The following CEP85L variants were observed in gnomAD, a reference collection of about 807,000 sequenced individuals.
CEP85L encodes centrosomal protein 85L, also known as centrosomal protein of 85 kDa-like.
A neutral mutation model predicts 100.3 loss-of-function variants in CEP85L; 60 were observed. The observed-to-expected ratio is 0.60, with a 90% CI of 0.49 to 0.74. The LOEUF (loss-of-function observed/expected upper bound fraction) is 0.74. Ranked by LOEUF, CEP85L falls within the 30% of genes least tolerant of loss-of-function variation. CEP85L has a pLI of 0.00. For missense variants in CEP85L, 973 were observed against 936.2 expected (o/e 1.04, Z -0.51); for synonymous variants, 319 against 322.7 (o/e 0.99, Z 0.12).
At chr6:118,648,826 A>G (rs1483345882) in intron 1 of CEP85L, among the ~76,000 whole-genome samples, 9 of 152,160 alleles carry the variant, frequency 5.9e-5, no homozygotes. Flanking sequence ...AAACAAATAA[A>G]CCAGTTTCAG....
intron 2 of CEP85L, among the ~76,000 whole-genome samples, chr6:118,607,566 A>G (rs1311214226): frequency 6.6e-6 from 1 of 152,180 alleles, no homozygotes; most frequent in Non-Finnish European, 1.5e-5. Flanking sequence ...GTTAACATCC[A>G]ATAGTGACGA....
At chr6:118,638,446 C>T (rs1299386359) in intron 1 of CEP85L, among the ~76,000 whole-genome samples, 1 of 151,646 alleles carries the variant, frequency 6.6e-6, no homozygotes, top group African/African-American at 2.4e-5. Flanking sequence ...CAAGTCAATC[C>T]AGAAGCACAA....
chr6:118,643,650 C>T (rs1212637908), intron 1 of CEP85L, among the ~76,000 whole-genome samples: 2 of 152,034 alleles, frequency 1.3e-5, no homozygotes, highest in East Asian at 1.9e-4. Context: ...TTTAGCACTA[C>T]CTAATGAAGT....
chr6:118,705,531 G>A (rs1777567315), intron 1 of CEP85L, among the ~76,000 whole-genome samples: 1 of 152,216 alleles, frequency 6.6e-6, no homozygotes, highest in Non-Finnish European at 1.5e-5. Flanking sequence ...TAGGGATCAA[G>A]TTAGCTAGCA....
chr6:118,502,305 A>G (rs904601040), intron 5 of CEP85L: 1 of 523,912 alleles, frequency 1.9e-6, no homozygotes, highest in African/African-American at 1.9e-5. Flanking sequence ...ATGGGGGAAG[A>G]CTGATCTTCC....
intron 1 of CEP85L, among the ~76,000 whole-genome samples, chr6:118,688,743 C>T (rs942661561): frequency 6.6e-6 from 1 of 152,136 alleles, no homozygotes. Context: ...TTCTTTGGCC[C>T]ACTCCTATTT....
chr6:118,646,323 G>T (rs945872085), intron 1 of CEP85L, among the ~76,000 whole-genome samples: 5 of 78,464 alleles, frequency 6.4e-5, no homozygotes, highest in African/African-American at 1.9e-4. Flanking sequence ...TACTTTGCCA[G>T]TGTAAAATAT....
intron 3 of CEP85L, among the ~76,000 whole-genome samples, chr6:118,539,792 G>A (rs1463795129): frequency 5.9e-5 from 9 of 152,136 alleles, no homozygotes; most frequent in Non-Finnish European, 1.0e-4. Context: ...ATCTTGAGGG[G>A]AGAGGGAGCA....
Position 118,481,907 on chromosome 6 carries a change from CTTAT to C in CEP85L, c.1613_1616del (p.Asn538ArgfsTer7). ...TATCTATCAAAGCCTCTTGTAAATT[CTTAT>C]TTTTTTCTTCCAGAATCTGCAGCTA... On this transcript the variant is annotated frameshift_variant, in exon 8 of 13. Transcript: ENST00000368491. LOFTEE classifies it high-confidence loss of function. 6.4e-7 allele frequency: 1 copy of C among 1,562,570 alleles called. No homozygotes were observed. Among genetic ancestry groups the C allele is most frequent in the Non-Finnish European group, 8.7e-7 (1 of 1,155,400 alleles).
At chr6:118,699,628 T>C (rs1199917355) in intron 1 of CEP85L, among the ~76,000 whole-genome samples, 2 of 152,140 alleles carry the variant, frequency 1.3e-5, no homozygotes, top group African/African-American at 2.4e-5. Flanking sequence ...CTGGAGATGT[T>C]TGAAGGATGT....
At chr6:118,630,126 A>G (rs894618375) in intron 2 of CEP85L, among the ~76,000 whole-genome samples, 1 of 152,218 alleles carries the variant, frequency 6.6e-6, no homozygotes, top group Non-Finnish European at 1.5e-5. Context: ...TTTAAATATT[A>G]AATCTCCACC....
At chr6:118,572,730 T>C (rs929868789) in intron 2 of CEP85L, among the ~76,000 whole-genome samples, 1 of 152,130 alleles carries the variant, frequency 6.6e-6, no homozygotes, top group African/African-American at 2.4e-5. Context: ...CAAGGCATTA[T>C]GCTAGGTAGA....
intron 3 of CEP85L, among the ~76,000 whole-genome samples, chr6:118,534,227 A>G (rs2114842061): frequency 6.6e-6 from 1 of 152,344 alleles, no homozygotes; most frequent in South Asian, 2.1e-4. Flanking sequence ...AAAACCAATT[A>G]TATTTCTATA....
chr6:118,483,303 T>A (rs58130244), intron 7 of CEP85L, among the ~76,000 whole-genome samples: 2,912 of 151,352 alleles, frequency 0.019, 93 homozygotes, highest in African/African-American at 0.066. Flanking sequence ...ATAAGAAAAA[T>A]ATATATATAT....
chr6:118,551,167 T>C (rs1046295541), intron 3 of CEP85L, among the ~76,000 whole-genome samples: 1 of 151,900 alleles, frequency 6.6e-6, no homozygotes, highest in Non-Finnish European at 1.5e-5. Context: ...GTAGTCTCTT[T>C]GTACAATTTC....
chr6:118,600,345 G>A lies in CEP85L; in HGVS notation c.232+32108C>T, dbSNP rs1009595044. Reference sequence around the variant, plus strand: ...TGTGTGTGTGTGTGTGTGTGTGTGTGTGTGTGTGTGTGTGTGTGTGTGTGT... The same window carrying A: ...TGTGTGTGTGTGTGTGTGTGTGTGTATGTGTGTGTGTGTGTGTGTGTGTGT... On this transcript the variant is annotated intron_variant, in intron 2 of 12. Transcript: ENST00000368491. Among the ~76,000 whole-genome samples, 10 of 136,310 alleles carry A rather than the reference G, an allele frequency of 7.3e-5. 2 individuals are homozygous for A. Among genetic ancestry groups the A allele is most frequent in the Non-Finnish European group, 1.6e-4 (10 of 62,094 alleles). The allele number at this position is 136,310 out of a possible 152,430, so 89.4% of individuals were successfully genotyped here. A position where few individuals can be genotyped will look rare whatever the true frequency, so the allele number is the denominator to read the frequency against.
intron 10 of CEP85L, among the ~76,000 whole-genome samples, chr6:118,470,888 T>C (rs974197984): frequency 9.2e-5 from 14 of 152,108 alleles, no homozygotes; most frequent in African/African-American, 3.4e-4. Flanking sequence ...AATTACAGTT[T>C]TTACCAAGGA....
intron 2 of CEP85L, among the ~76,000 whole-genome samples, chr6:118,586,336 C>T (rs1361952828): frequency 1.3e-5 from 2 of 152,206 alleles, no homozygotes; most frequent in Non-Finnish European, 2.9e-5. Context: ...CGGGAAACCT[C>T]TGAGCTAGTT....
chr6:118,489,510 C>T (rs960594263), intron 6 of CEP85L, among the ~76,000 whole-genome samples: 4 of 152,138 alleles, frequency 2.6e-5, no homozygotes, highest in African/African-American at 9.7e-5. Context: ...TGCTCAATTC[C>T]TGCATAGAAG....
Sources: gnomAD v4.1 joint callset for allele counts (sites outside exome capture counted in the v4.1 genomes callset) on GRCh38, gnomAD v4.1.1 for gene constraint, MANE v1.5 for transcripts, NCBI Gene and HGNC (gene_info 2026-07-23, HGNC 2026-07-21) for gene names.